The following FGF10 variants were observed in gnomAD, a reference collection of about 807,000 sequenced individuals.
The protein encoded by FGF10 is fibroblast growth factor 10, also known as FGF-10.
In FGF10, 2 loss-of-function variants were observed where a neutral mutation model predicts 19.8. That is an observed-to-expected ratio of 0.10 (90% confidence interval 0.04 to 0.32). The LOEUF (loss-of-function observed/expected upper bound fraction) is 0.32. FGF10 is among the 10% of genes least tolerant of loss of function. The pLI, the probability that FGF10 is intolerant of heterozygous loss-of-function variation, is 1.00. For synonymous variants in FGF10, 112 were observed against 94.0 expected, an observed-to-expected ratio of 1.19 and a Z score of -1.10; for missense variants, 191 against 246.3, an observed-to-expected ratio of 0.78 and a Z score of 1.50.
rs751081612 is a variant in FGF10 at position 44,388,537 on chromosome 5, G to C, written c.146C>G (p.Ala49Gly). ...GAAGGAGGAGGAAGAAGAGTTGGTG[G>C]CCTCTGGTGACACCATGTCCTGACC... ...ALGQDMVSPE[A>G]TNSSSSSFSS... The change falls in exon 1 of 3, where the codon GCC becomes GGC. Residue 49 changes from alanine to glycine, a missense_variant. Ala to Gly is a moderately conservative substitution (Grantham distance 60). Transcript: ENST00000264664. The C allele has an allele frequency of 2.5e-6, 4 of 1,614,162 alleles. No individual in the cohort carries two copies. The South Asian group carries it at 4.4e-5, about 18-fold the overall frequency.
chr5:44,337,705 G>T (rs1740884394), intron 1 of FGF10, among the ~76,000 whole-genome samples: 1 of 152,170 alleles, frequency 6.6e-6, no homozygotes, highest in African/African-American at 2.4e-5. Context: ...ACTTTGGGAG[G>T]CTGAGACAGG....
At chr5:44,384,907 C>T (rs921255825) in intron 1 of FGF10, among the ~76,000 whole-genome samples, 4 of 152,054 alleles carry the variant, frequency 2.6e-5, no homozygotes, top group Non-Finnish European at 5.9e-5. Context: ...TTTCCTTTCA[C>T]TAGATCCCTC....
intron 1 of FGF10, among the ~76,000 whole-genome samples, chr5:44,344,393 T>C (rs767202363): frequency 4.4e-4 from 67 of 151,492 alleles, no homozygotes; most frequent in Non-Finnish European, 8.2e-4. Flanking sequence ...TAGGGTACTA[T>C]AAAAACCACA....
intron 1 of FGF10, among the ~76,000 whole-genome samples, chr5:44,357,041 A>T (rs1400587036): frequency 6.6e-6 from 1 of 151,350 alleles, no homozygotes; most frequent in Non-Finnish European, 1.5e-5. Context: ...AAAGATTATT[A>T]CAAAAAAAAT....
At position 44,342,226 on chromosome 5, in the gene FGF10, T is replaced by G. The variant is rs1189495576; in HGVS notation, c.326-31696A>C. Among the ~76,000 whole-genome samples the G allele has an allele frequency of 2.0e-5, 3 of 151,942 alleles. 1 individual carries two copies. Among genetic ancestry groups the G allele is most frequent in the Admixed American group, 2.0e-4 (3 of 15,212 alleles). ...TCACAAACAAATCAATGCACACTTA[T>G]GAAGTAGCCCTTATGTATTATTAAC... On this transcript the variant is annotated intron_variant, in intron 1 of 2. Transcript: ENST00000264664.
chr5:44,302,140 G>A lies in FGF10; in HGVS notation c.*2855C>T, dbSNP rs1200521827. Among the ~76,000 whole-genome samples the A allele has an allele frequency of 1.4e-5, 2 of 146,736 alleles. No homozygotes were observed. The highest frequency in any genetic ancestry group is 3.0e-5 in the Non-Finnish European group (2 of 66,764). On this transcript the variant is annotated 3_prime_UTR_variant, in exon 3 of 3. Transcript: ENST00000264664. ...CTGCTTTTTTTTTTCTTCAGTAGTT[G>A]CAAAAGGGACCAGAATTCTATTTCC...
chr5:44,380,679 T>C (rs1741965227), intron 1 of FGF10, among the ~76,000 whole-genome samples: 1 of 152,016 alleles, frequency 6.6e-6, no homozygotes, highest in Non-Finnish European at 1.5e-5. Flanking sequence ...AAAACTAAAG[T>C]AGAAAAATAT....
At chr5:44,319,937 C>G (rs187954649) in intron 1 of FGF10, among the ~76,000 whole-genome samples, 46 of 152,218 alleles carry the variant, frequency 3.0e-4, no homozygotes, top group Admixed American at 1.6e-3. Flanking sequence ...GAGTGAAGCT[C>G]CATCTGTATT....
At chr5:44,305,214 T>G (rs1171352238) in intron 2 of FGF10, 22 bp from the exon 3 acceptor site, 2 of 1,600,552 alleles carry the variant, frequency 1.2e-6, no homozygotes, top group Non-Finnish European at 1.7e-6. Context: ...AAACAGAATC[T>G]TTTATTCCTA....
At chr5:44,309,269 G>GA (rs1452790785) in intron 2 of FGF10, among the ~76,000 whole-genome samples, 6 of 152,084 alleles carry the variant, frequency 3.9e-5, no homozygotes, top group South Asian at 2.1e-4. Flanking sequence ...AGAATCCAGA[G>GA]AAAAAAATGA....
rs1392471133 is a variant in FGF10 at position 44,302,040 on chromosome 5, A to G, written c.*2955T>C. ...ACTTTAACTTTGTGGGCCTGGGACCATACTCCTACAGAGGCAGATCTCTCA... is the reference window on the plus strand; with the variant it reads ...ACTTTAACTTTGTGGGCCTGGGACCGTACTCCTACAGAGGCAGATCTCTCA... On this transcript the variant is annotated 3_prime_UTR_variant, in exon 3 of 3. Transcript: ENST00000264664. Among the ~76,000 whole-genome samples, 4 of 151,776 alleles carry G rather than the reference A, an allele frequency of 2.6e-5. No individual in the cohort carries two copies. Among genetic ancestry groups the G allele is most frequent in the African/African-American group, 4.8e-5 (2 of 41,334 alleles).
At chr5:44,321,098 T>C (rs10452476) in intron 1 of FGF10, among the ~76,000 whole-genome samples, 18,218 of 152,226 alleles carry the variant, frequency 0.12, 2,683 homozygotes, top group African/African-American at 0.34. Context: ...TCTTAGTGGC[T>C]AACCACATTG....
At chr5:44,319,446 G>T (rs1377262280) in intron 1 of FGF10, among the ~76,000 whole-genome samples, 1 of 152,058 alleles carries the variant, frequency 6.6e-6, no homozygotes, top group Non-Finnish European at 1.5e-5. Context: ...AGCACATCTT[G>T]ATATTGGGTT....
At chr5:44,379,903 A>C (rs1741949147) in intron 1 of FGF10, among the ~76,000 whole-genome samples, 1 of 152,182 alleles carries the variant, frequency 6.6e-6, no homozygotes, top group South Asian at 2.1e-4. Flanking sequence ...TGGCTTCTAA[A>C]AAATTTCATT....
intron 1 of FGF10, among the ~76,000 whole-genome samples, chr5:44,332,233 G>A (rs1331643892): frequency 6.6e-6 from 1 of 152,102 alleles, no homozygotes; most frequent in African/African-American, 2.4e-5. Flanking sequence ...GCCAGTTAAT[G>A]TCTAGGAGTT....
At chr5:44,331,199 A>G (rs1224954310) in intron 1 of FGF10, among the ~76,000 whole-genome samples, 1 of 152,168 alleles carries the variant, frequency 6.6e-6, no homozygotes, top group East Asian at 1.9e-4. Flanking sequence ...AAATTAAGCC[A>G]GACTAGATAG....
intron 1 of FGF10, among the ~76,000 whole-genome samples, chr5:44,373,089 G>C (rs185749121): frequency 1.3e-5 from 2 of 152,158 alleles, no homozygotes; most frequent in Admixed American, 6.5e-5. Context: ...TTTAGTTCCA[G>C]CTGGCAGTGT....
rs940189877 is a variant in FGF10, at chr5:44,304,033, T to C, written c.*962A>G. On this transcript the variant is annotated 3_prime_UTR_variant, in exon 3 of 3. Transcript: ENST00000264664. The stretch of plus-strand genomic sequence containing the variant: ...ATTGAAAGAGAAGAATTTGGCCTTC[T>C]GGTCTATTTCTTGAGACAGGAAGCC... 1.3e-5 allele frequency: 2 copies of C among 152,208 alleles called. No homozygotes were observed. Among genetic ancestry groups the C allele is most frequent in the Non-Finnish European group, 2.9e-5 (2 of 68,024 alleles). The allele number at this position is 152,208 out of a possible 1,614,324, so 9.4% of individuals were successfully genotyped here.
At chr5:44,382,302 C>CT (rs966684066) in intron 1 of FGF10, among the ~76,000 whole-genome samples, 1 of 152,104 alleles carries the variant, frequency 6.6e-6, no homozygotes, top group Non-Finnish European at 1.5e-5. Flanking sequence ...GGAAGGGAGC[C>CT]TTTAAGGTCA....
Sources: allele counts gnomAD v4.1 joint callset (sites outside exome capture counted in the v4.1 genomes callset), GRCh38; gene constraint gnomAD v4.1.1; transcripts MANE v1.5; gene names NCBI Gene and HGNC (gene_info 2026-07-23, HGNC 2026-07-21).